The following GMDS variants were observed in gnomAD, a reference collection of about 807,000 sequenced individuals.
The protein encoded by GMDS is GDP-mannose 4,6-dehydratase.
In GMDS, 20 loss-of-function variants were observed where a neutral mutation model predicts 49.9. The ratio of observed to expected loss-of-function variants is 0.40; its 90% CI spans 0.28 to 0.58. GMDS has a LOEUF of 0.58. GMDS is among the 20% of genes least tolerant of loss of function. The pLI is 0.42. For missense variants in GMDS, 362 were observed against 481.4 expected (o/e 0.75, Z 2.32); for synonymous variants, 177 against 178.6 (o/e 0.99, Z 0.07).
chr6:2,178,840 A>G lies in GMDS; in HGVS notation c.103-54109T>C, dbSNP rs79900735. On this transcript the variant is annotated intron_variant, in intron 1 of 10. Coordinates refer to ENST00000380815, the MANE Select transcript of GMDS (RefSeq NM_001500.4). ...CCACAGGCCCTGACTTTCCAGACTA[A>G]CAATGATATTCTGATGCCAAAACAT... 3.7e-3 allele frequency among the ~76,000 whole-genome samples: 560 copies of G among 152,348 alleles called. 3 individuals are homozygous for G. The highest frequency in any genetic ancestry group is 0.013 in the African/African-American group (533 of 41,578).
chr6:1,952,258 T>A (rs1763379259), intron 6 of GMDS: 1 of 152,128 alleles, frequency 6.6e-6, no homozygotes, highest in African/African-American at 2.4e-5. Context: ...AAAAATAGTA[T>A]CTAATGGCTT....
intron 1 of GMDS, among the ~76,000 whole-genome samples, chr6:2,237,194 T>C (rs1384683027): frequency 6.6e-6 from 1 of 152,232 alleles, no homozygotes; most frequent in Non-Finnish European, 1.5e-5. Flanking sequence ...AGCTGAGTCA[T>C]TTCAATGAGT....
chr6:1,990,293 C>CAAAAAAAAAAAAAAAAAAAAAAAAAAAAA (rs1765853547), intron 4 of GMDS, among the ~76,000 whole-genome samples: 1 of 152,064 alleles, frequency 6.6e-6, no homozygotes, highest in Admixed American at 6.6e-5. Flanking sequence ...GAGACTGTCT[C>CAAAAAAAAAAAAAAAAAAAAAAAAAAAAA]AAAAGAAAAA....
chr6:1,707,646 G>C (rs1353810675), intron 9 of GMDS, among the ~76,000 whole-genome samples: 3 of 145,234 alleles, frequency 2.1e-5, no homozygotes, highest in African/African-American at 7.7e-5. Context: ...AGGCCTGGGA[G>C]GAGCTCCCCA....
chr6:1,837,708 C>A (rs1003724313), intron 7 of GMDS, among the ~76,000 whole-genome samples: 3 of 152,134 alleles, frequency 2.0e-5, no homozygotes, highest in Non-Finnish European at 4.4e-5. Context: ...AGAGTTAAAG[C>A]GAAGGCACGA....
intron 9 of GMDS, among the ~76,000 whole-genome samples, chr6:1,674,448 T>G (rs558011063): frequency 1.3e-5 from 2 of 152,126 alleles, no homozygotes; most frequent in East Asian, 3.9e-4. Flanking sequence ...CAAAGCTTCT[T>G]CTCCCAGTCT....
At chr6:2,187,094 ATTC>A (rs1469312709) in intron 1 of GMDS, among the ~76,000 whole-genome samples, 1 of 152,232 alleles carries the variant, frequency 6.6e-6, no homozygotes, top group East Asian at 1.9e-4. Context: ...TGACAGAGAT[ATTC>A]TTCATTCATC....
intron 8 of GMDS, among the ~76,000 whole-genome samples, chr6:1,736,523 C>G (rs1767006672): frequency 6.6e-6 from 1 of 152,168 alleles, no homozygotes; most frequent in Admixed American, 6.5e-5. Context: ...AGCATGACTG[C>G]TTTTTCTAGC....
chr6:1,678,149 C>A (rs1265109818), intron 9 of GMDS, among the ~76,000 whole-genome samples: 1 of 151,982 alleles, frequency 6.6e-6, no homozygotes, highest in Non-Finnish European at 1.5e-5. Context: ...CCACAACTTG[C>A]GTGAGTTTTA....
At chr6:1,815,111 C>G (rs1292442621) in intron 7 of GMDS, among the ~76,000 whole-genome samples, 1 of 152,142 alleles carries the variant, frequency 6.6e-6, no homozygotes, top group Non-Finnish European at 1.5e-5. Context: ...CATAGTACAT[C>G]TTTTTCACAT....
chr6:2,202,888 C>T (rs1779614895), intron 1 of GMDS, among the ~76,000 whole-genome samples: 1 of 152,148 alleles, frequency 6.6e-6, no homozygotes, highest in Non-Finnish European at 1.5e-5. Context: ...AAGAAGCAGT[C>T]ATGGCATCTT....
intron 4 of GMDS, among the ~76,000 whole-genome samples, chr6:2,006,192 TGGGA>T (rs1767155948): frequency 6.6e-6 from 1 of 150,928 alleles, no homozygotes; most frequent in South Asian, 2.1e-4. Flanking sequence ...GAGGCCGAGG[TGGGA>T]GGATCACTTG....
rs568582662 is a variant in GMDS at position 1,852,169 on chromosome 6, G to T, written c.771+77934C>A. Among the ~76,000 whole-genome samples, 14 of 152,360 alleles carry T rather than the reference G, an allele frequency of 9.2e-5. No individual in the cohort carries two copies. In the South Asian group the frequency reaches 2.9e-3, roughly 32 times the overall value. On this transcript the variant is annotated intron_variant, in intron 7 of 10. Coordinates refer to ENST00000380815, the MANE Select transcript of GMDS (RefSeq NM_001500.4). ...GTTTTGCTGGCAACTCAAATTCAAA[G>T]CCATGTGTTGGTGCAGTAGCAGCAG...
At chr6:2,147,199 C>T (rs190585841) in intron 1 of GMDS, among the ~76,000 whole-genome samples, 1 of 152,306 alleles carries the variant, frequency 6.6e-6, no homozygotes, top group East Asian at 1.9e-4. Flanking sequence ...ATTCAGAAAG[C>T]TGTTTGGTTT....
intron 1 of GMDS, among the ~76,000 whole-genome samples, chr6:2,188,530 C>T (rs1411148434): frequency 6.6e-6 from 1 of 152,126 alleles, no homozygotes; most frequent in Non-Finnish European, 1.5e-5. Context: ...GGTTTTAATT[C>T]GTACTCTTTG....
At chr6:1,995,675 C>T (rs1448660246) in intron 4 of GMDS, among the ~76,000 whole-genome samples, 1 of 152,182 alleles carries the variant, frequency 6.6e-6, no homozygotes. Context: ...AACCTTCAAC[C>T]ACATGCAGGC....
chr6:2,093,697 T>C (rs186546282), intron 4 of GMDS, among the ~76,000 whole-genome samples: 3 of 151,898 alleles, frequency 2.0e-5, no homozygotes, highest in African/African-American at 7.2e-5. Flanking sequence ...AAAATTAAAT[T>C]CTAAAAAAGA....
chr6:2,024,048 C>T (rs929003584), intron 4 of GMDS, among the ~76,000 whole-genome samples: 6 of 151,924 alleles, frequency 3.9e-5, no homozygotes, highest in African/African-American at 1.5e-4. Flanking sequence ...TTGCTTTTCA[C>T]TTTCTAATAA....
chr6:2,049,404 T>C (rs1218910172), intron 4 of GMDS, among the ~76,000 whole-genome samples: 1 of 152,180 alleles, frequency 6.6e-6, no homozygotes, highest in Non-Finnish European at 1.5e-5. Flanking sequence ...GCTGTCTCAT[T>C]TGCTGTATCA....
Sources: allele counts gnomAD v4.1 joint callset (sites outside exome capture counted in the v4.1 genomes callset), GRCh38; gene constraint gnomAD v4.1.1; transcripts MANE v1.5; gene names NCBI Gene and HGNC (gene_info 2026-07-23, HGNC 2026-07-21).